The following RBFOX1 variants were observed in gnomAD, a reference collection of about 807,000 sequenced individuals.
RBFOX1 encodes RNA binding fox-1 homolog 1.
In RBFOX1, 8 loss-of-function variants were observed where a neutral mutation model predicts 57.7. That is an observed-to-expected ratio of 0.14 (90% CI 0.08 to 0.25). The LOEUF (loss-of-function observed/expected upper bound fraction) is 0.25, where lower values mean the gene tolerates loss of function less well. Among genes scored for constraint, RBFOX1 ranks in the 10% least tolerant of loss-of-function variants. The pLI is 1.00. For synonymous variants in RBFOX1, 326 were observed against 222.4 expected (o/e 1.47, Z -4.15); for missense variants, 611 against 548.5 (o/e 1.11, Z -1.14).
intron 1 of RBFOX1, among the ~76,000 whole-genome samples, chr16:6,085,096 G>A (rs957042353): frequency 6.6e-6 from 1 of 152,232 alleles, no homozygotes; most frequent in South Asian, 2.1e-4. Context: ...CTGGGGACTG[G>A]GTGAGGGCGG....
At chr16:6,613,183 C>T (rs951755860) in intron 2 of RBFOX1, among the ~76,000 whole-genome samples, 2 of 152,114 alleles carry the variant, frequency 1.3e-5, no homozygotes, top group East Asian at 1.9e-4. Flanking sequence ...CCTCACAAGG[C>T]AGCCATTAGC....
intron 3 of RBFOX1, among the ~76,000 whole-genome samples, chr16:6,782,207 A>G (rs913566388): frequency 6.6e-6 from 1 of 152,146 alleles, no homozygotes; most frequent in African/African-American, 2.4e-5. Context: ...GGGTTTCGCC[A>G]TGTTGGCCAG....
chr16:6,395,711 A>G (rs968074729), intron 2 of RBFOX1, among the ~76,000 whole-genome samples: 4 of 152,176 alleles, frequency 2.6e-5, no homozygotes, highest in African/African-American at 7.2e-5. Flanking sequence ...CTTATATATC[A>G]GATTTTATAA....
At chr16:7,021,662 C>T (rs1266220160) in intron 3 of RBFOX1, among the ~76,000 whole-genome samples, 1 of 147,194 alleles carries the variant, frequency 6.8e-6, no homozygotes, top group Non-Finnish European at 1.5e-5. Flanking sequence ...TTTTATTTCC[C>T]TCAGCCTATT....
At chr16:6,893,681 T>G (rs1385879623) in intron 3 of RBFOX1, among the ~76,000 whole-genome samples, 1 of 152,224 alleles carries the variant, frequency 6.6e-6, no homozygotes, top group African/African-American at 2.4e-5. Flanking sequence ...AACTGTACTT[T>G]ATCAATGTGG....
intron 1 of RBFOX1, among the ~76,000 whole-genome samples, chr16:5,250,777 G>T (rs76523454): frequency 6.6e-6 from 1 of 152,126 alleles, no homozygotes; most frequent in Non-Finnish European, 1.5e-5. Flanking sequence ...GCCCTGCACC[G>T]ATACGTCTGT....
At chr16:6,041,554 C>G (rs1157425365) in intron 1 of RBFOX1, among the ~76,000 whole-genome samples, 1 of 152,096 alleles carries the variant, frequency 6.6e-6, no homozygotes, top group Non-Finnish European at 1.5e-5. Flanking sequence ...GATGAGGAAA[C>G]TCCTCATCCG....
At chr16:5,856,158 T>A (rs1358534257) in intron 3 of RBFOX1, among the ~76,000 whole-genome samples, 1 of 41,812 alleles carries the variant, frequency 2.4e-5, no homozygotes, top group African/African-American at 1.7e-4. Context: ...TGGTTCTCTC[T>A]CTCTCTCTCT....
At chr16:5,826,526 C>T (rs1036114624) in intron 3 of RBFOX1, among the ~76,000 whole-genome samples, 8 of 152,328 alleles carry the variant, frequency 5.3e-5, no homozygotes, top group African/African-American at 9.6e-5. Context: ...GGCATGAAAG[C>T]AGCCACAGAT....
intron 1 of RBFOX1, among the ~76,000 whole-genome samples, chr16:5,437,896 G>T (rs1452234035): frequency 2.0e-5 from 3 of 152,162 alleles, no homozygotes; most frequent in South Asian, 2.1e-4. Flanking sequence ...TATCGTTGTT[G>T]ATTGGCTGTT....
At chr16:6,814,247 T>TTG (rs139177665) in intron 3 of RBFOX1, among the ~76,000 whole-genome samples, 2 of 99,390 alleles carry the variant, frequency 2.0e-5, no homozygotes, top group African/African-American at 6.8e-5. Context: ...GAGAAAATTG[T>TTG]GGTGGGGGGG....
chr16:7,022,554 C>G (rs115140426), intron 3 of RBFOX1, among the ~76,000 whole-genome samples: 13 of 152,126 alleles, frequency 8.5e-5, no homozygotes, highest in African/African-American at 3.1e-4. Context: ...TCATGATAAC[C>G]CTAGTGAAGA....
At chr16:7,246,621 T>A (rs564410775) in intron 4 of RBFOX1, among the ~76,000 whole-genome samples, 17 of 146,832 alleles carry the variant, frequency 1.2e-4, no homozygotes, top group African/African-American at 4.4e-4. Flanking sequence ...TGTCAGACTG[T>A]ATGGTCACCT....
rs191886683 is a variant in RBFOX1, at chr16:5,332,083, G to A, written c.219+91978G>A. 3.7e-4 allele frequency among the ~76,000 whole-genome samples: 57 copies of A among 152,146 alleles called. 5 individuals are homozygous for A. The highest frequency in any genetic ancestry group is 3.1e-3 in the East Asian group (16 of 5,184). ...TGGCTTTGGAACAGTGGATCTTTTC[G>A]GTTTCTTGTTTTCCTTCTTATGTCT... is the stretch of plus-strand genomic sequence containing the variant. On this transcript the variant is annotated intron_variant, in intron 1 of 2. Coordinates refer to the RBFOX1 transcript ENST00000585867.
At chr16:6,714,795 A>T (rs1321782513) in intron 3 of RBFOX1, among the ~76,000 whole-genome samples, 1 of 152,038 alleles carries the variant, frequency 6.6e-6, no homozygotes, top group South Asian at 2.1e-4. Flanking sequence ...TTAGGAGGAG[A>T]AACTGGCTTA....
Position 6,609,480 on chromosome 16 carries a change from A to T in RBFOX1, c.-63-45123A>T, listed in dbSNP as rs117143134. ...CACCTCAGCCTCCCGAGTAACTGGG[A>T]CAACAGGTGCATGCCACCACACTTG... On this transcript the variant is annotated intron_variant, in intron 2 of 15. Transcript: ENST00000550418. 5.9e-3 allele frequency among the ~76,000 whole-genome samples: 892 copies of T among 152,220 alleles called. 9 individuals carry two copies. The highest frequency in any genetic ancestry group is 8.4e-3 in the Non-Finnish European group (570 of 68,014).
intron 4 of RBFOX1, among the ~76,000 whole-genome samples, chr16:7,437,261 C>G (rs1270550587): frequency 6.8e-6 from 1 of 146,530 alleles, no homozygotes; most frequent in East Asian, 2.0e-4. Context: ...CCCCCCCCCC[C>G]TTTCTGTTAT....
At chr16:7,508,618 G>C (rs1432911899) in intron 4 of RBFOX1, among the ~76,000 whole-genome samples, 1 of 152,176 alleles carries the variant, frequency 6.6e-6, no homozygotes, top group Non-Finnish European at 1.5e-5. Context: ...ATTGGAAATG[G>C]AAACGTAAGG....
intron 1 of RBFOX1, among the ~76,000 whole-genome samples, chr16:6,115,121 G>T (rs79329246): frequency 3.3e-5 from 5 of 152,036 alleles, no homozygotes; most frequent in African/African-American, 1.2e-4. Flanking sequence ...TTCTGCTAAC[G>T]AGCCGTGAGG....
Sources: allele counts gnomAD v4.1 joint callset (sites outside exome capture counted in the v4.1 genomes callset), GRCh38; gene constraint gnomAD v4.1.1; transcripts MANE v1.5; gene names NCBI Gene and HGNC (gene_info 2026-07-23, HGNC 2026-07-21).